Variants in RAG1 observed in about 807,000 individuals in gnomAD.
RAG1 encodes recombination activating 1.
A neutral mutation model predicts 62.7 loss-of-function variants in RAG1; 35 were observed. The observed-to-expected ratio is 0.56, with a 90% CI of 0.43 to 0.74. The LOEUF (loss-of-function observed/expected upper bound fraction) is 0.74. RAG1 is among the 30% of genes least tolerant of loss of function. RAG1 has a pLI of 0.00. For missense variants in RAG1, 1,169 were observed against 1,278.6 expected, an observed-to-expected ratio of 0.91 and a Z score of 1.31; for synonymous variants, 461 against 470.3, an observed-to-expected ratio of 0.98 and a Z score of 0.26.
At chr11:36,513,891 T>C (rs1176559555) in intron 1 of RAG1, among the ~76,000 whole-genome samples, 7 of 151,996 alleles carry the variant, frequency 4.6e-5, no homozygotes, top group Non-Finnish European at 1.0e-4. Flanking sequence ...CCACAACACG[T>C]GGAAATTAGG....
At chr11:36,547,239 A>G (rs1850407549) in intron 3 of RAG1, among the ~76,000 whole-genome samples, 1 of 152,310 alleles carries the variant, frequency 6.6e-6, no homozygotes, top group East Asian at 1.9e-4. Flanking sequence ...AAGAACAAAC[A>G]AATTCAAAAG....
At position 36,576,496 on chromosome 11, in the gene RAG1, G is replaced by T; in HGVS notation, c.*60G>T. On this transcript the variant is annotated 3_prime_UTR_variant, in exon 2 of 2. Coordinates refer to ENST00000299440, the MANE Select transcript of RAG1 (RefSeq NM_000448.3). ...TGAGTTTCCCTCTGGGTTGCATTGAGGGCTTCTCCTAGCACCCTTTACTGC... is the reference window on the plus strand; with the variant it reads ...TGAGTTTCCCTCTGGGTTGCATTGATGGCTTCTCCTAGCACCCTTTACTGC... The T allele has an allele frequency of 6.3e-7, 1 of 1,592,326 alleles. No individual in the cohort carries two copies. Among genetic ancestry groups the T allele is most frequent in the Non-Finnish European group, 8.6e-7 (1 of 1,161,456 alleles).
chr11:36,531,458 A>G (rs1358756264), intron 2 of RAG1, among the ~76,000 whole-genome samples: 2 of 151,774 alleles, frequency 1.3e-5, no homozygotes, highest in Non-Finnish European at 2.9e-5. Flanking sequence ...GATGTTTTAT[A>G]TAGTGGTATG....
chr11:36,550,011 A>G (rs1850459384), intron 3 of RAG1, among the ~76,000 whole-genome samples: 1 of 152,220 alleles, frequency 6.6e-6, no homozygotes, highest in African/African-American at 2.4e-5. Context: ...AAACTAACAC[A>G]GGAATGCAAA....
chr11:36,565,066 C>A (rs548174302), upstream of RAG1, among the ~76,000 whole-genome samples: 1 of 152,316 alleles, frequency 6.6e-6, no homozygotes, highest in South Asian at 2.1e-4. Context: ...GGCAAGTAAC[C>A]TCTAAGTTCC....
intron 1 of RAG1, among the ~76,000 whole-genome samples, chr11:36,514,965 T>G (rs1054386105): frequency 6.6e-6 from 1 of 152,194 alleles, no homozygotes; most frequent in African/African-American, 2.4e-5. Context: ...AAGCTACATT[T>G]ATAATCCAGA....
Position 36,576,201 on chromosome 11 carries a change from C to G in RAG1, c.2897C>G (p.Ser966Cys). The G allele has an allele frequency of 6.2e-7, 1 of 1,614,146 alleles. No homozygotes were observed. The highest frequency in any genetic ancestry group is 8.5e-7 in the Non-Finnish European group (1 of 1,180,038). ...IGAWASEGNE[S>C]GNKLFRRFRK... ...GCATGGGCAAGTGAGGGAAATGAGT[C>G]TGGTAACAAACTGTTTAGGCGCTTC... is the stretch of plus-strand genomic sequence containing the variant. Residue 966 changes from serine (S) to cysteine (C), a missense_variant, in exon 2 of 2, where the codon TCT becomes TGT. Physicochemically the swap from Ser to Cys is moderately radical, Grantham distance 112 (BLOSUM62 -1). Transcript: ENST00000299440.
At chr11:36,537,537 T>A (rs1244934600), downstream of RAG1, among the ~76,000 whole-genome samples, 2 of 152,232 alleles carry the variant, frequency 1.3e-5, no homozygotes, top group African/African-American at 4.8e-5. Context: ...AGTCATTTTA[T>A]ATTATCATAC....
At position 36,575,907 on chromosome 11, in the gene RAG1, C is replaced by T. The variant is rs193922462; in HGVS notation, c.2603C>T (p.Ala868Val). 197 of 1,614,116 alleles carry T rather than the reference C, an allele frequency of 1.2e-4. No homozygotes were observed. The highest frequency in any genetic ancestry group is 1.6e-4 in the Non-Finnish European group (187 of 1,180,040). ...RKLMTKETVD[A>V]VCELIPSEER... is the part of the protein sequence containing the mutation. Reference sequence around the variant, plus strand: ...CTCATGACCAAAGAGACTGTGGATGCAGTTTGTGAGTTAATTCCTTCCGAG... The same window carrying T: ...CTCATGACCAAAGAGACTGTGGATGTAGTTTGTGAGTTAATTCCTTCCGAG... Residue 868 changes from alanine to valine, a missense_variant, in exon 2 of 2, where the codon GCA (alanine) becomes GTA (valine). This residue lies in a region of RAG1 where 800 missense variants were observed against 943.3 expected (regional missense o/e 0.85). Transcript: ENST00000299440. The surrounding 1 kb of genome is among the most constrained non-coding windows in gnomAD (Gnocchi z 4.1).
At chr11:36,535,823 A>G (rs1166441824) in intron 2 of RAG1, 1 of 152,204 alleles carries the variant, frequency 6.6e-6, no homozygotes, top group East Asian at 1.9e-4. Flanking sequence ...TTTTCTTATT[A>G]CAAGTGAATT....
At chr11:36,572,667 C>T (rs1850766957) in intron 1 of RAG1, among the ~76,000 whole-genome samples, 2 of 152,176 alleles carry the variant, frequency 1.3e-5, no homozygotes, top group African/African-American at 4.8e-5. Flanking sequence ...AAATTGTAAG[C>T]ATAATTACTA....
chr11:36,566,081 A>AAG (rs137987566), upstream of RAG1, among the ~76,000 whole-genome samples: 595 of 150,486 alleles, frequency 4.0e-3, 1 homozygote, highest in African/African-American at 0.011. Context: ...ATATGATTTG[A>AAG]AGAGAGAGAG....
chr11:36,537,481 A>G (rs1860350266), downstream of RAG1, among the ~76,000 whole-genome samples: 1 of 152,176 alleles, frequency 6.6e-6, no homozygotes, highest in South Asian at 2.1e-4. Flanking sequence ...TACCTCTGTA[A>G]AGCTTAAACA....
At chr11:36,564,459 T>G (rs189260790), upstream of RAG1, among the ~76,000 whole-genome samples, 204 of 152,288 alleles carry the variant, frequency 1.3e-3, no homozygotes, top group South Asian at 0.011. Flanking sequence ...AATACATGAT[T>G]TCTTCTTAGC....
intron 3 of RAG1, among the ~76,000 whole-genome samples, chr11:36,551,674 G>T (rs1590687129): frequency 7.6e-6 from 1 of 130,844 alleles, no homozygotes; most frequent in African/African-American, 2.9e-5. Flanking sequence ...AGTTACATAT[G>T]TATACATGTG....
rs1399892854 is a variant in RAG1, at chr11:36,577,969, CCT to C, written c.*1536_*1537del. The C allele has an allele frequency of 1.2e-5, 2 of 167,094 alleles. No homozygotes were observed. Among genetic ancestry groups the C allele is most frequent in the Non-Finnish European group, 1.5e-5 (1 of 68,124 alleles). 10.4% of individuals were successfully genotyped at this position (167,094 alleles called of 1,614,324 possible). ...CAAAAGCTCCAAAGGGCCCCCTAAC[CCT>C]CTTGTGGCTCCAGTTATTTGGAAAC... On this transcript the variant is annotated 3_prime_UTR_variant, in exon 2 of 2. Transcript: ENST00000299440.
At chr11:36,534,492 A>T (rs1860297891) in intron 2 of RAG1, among the ~76,000 whole-genome samples, 1 of 152,234 alleles carries the variant, frequency 6.6e-6, no homozygotes, top group Non-Finnish European at 1.5e-5. Context: ...CGTGAGCAGA[A>T]GTCACATGTG....
chr11:36,527,328 T>C (rs1860178967), intron 2 of RAG1, among the ~76,000 whole-genome samples: 1 of 152,218 alleles, frequency 6.6e-6, no homozygotes. Flanking sequence ...CAGCACTATT[T>C]ATTAAATAGG....
At chr11:36,566,978 C>G (rs1291094508), upstream of RAG1, among the ~76,000 whole-genome samples, 1 of 152,194 alleles carries the variant, frequency 6.6e-6, no homozygotes, top group African/African-American at 2.4e-5. Context: ...CACTTATTAG[C>G]TGAACACAGA....
Sources: gnomAD v4.1 joint callset for allele counts (sites outside exome capture counted in the v4.1 genomes callset) on GRCh38, gnomAD v4.1.1 for gene constraint, gnomAD v4.1.1 regional missense constraint, Gnocchi (gnomAD v3.1) non-coding constraint, MANE v1.5 for transcripts, NCBI Gene and HGNC (gene_info 2026-07-23, HGNC 2026-07-21) for gene names.